PDE1A: variants seen among roughly 807,000 people sequenced by gnomAD.
PDE1A encodes the protein dual specificity calcium/calmodulin-dependent 3',5'-cyclic nucleotide phosphodiesterase 1A.
In PDE1A, 35 loss-of-function variants were observed where a neutral mutation model predicts 61.7. That is an observed-to-expected ratio of 0.57 (90% CI 0.43 to 0.75). PDE1A has a LOEUF of 0.75. Ranked by LOEUF, PDE1A falls within the 30% of genes least tolerant of loss-of-function variation. The probability of loss-of-function intolerance (pLI) is 0.00; values close to 1 mark genes in which losing one functional copy is unlikely to be tolerated. For missense variants in PDE1A, 597 were observed against 630.6 expected (o/e 0.95, Z 0.57); for synonymous variants, 232 against 213.2 (o/e 1.09, Z -0.77).
chr2:182,205,898 T>C (rs757171771), intron 8 of PDE1A, 42 bp downstream of exon 8: 1 of 1,557,572 alleles, frequency 6.4e-7, no homozygotes, highest in South Asian at 1.2e-5. Flanking sequence ...ATTTATTCCT[T>C]TCCTGAAATT....
chr2:182,192,209 G>A (rs1685760282), intron 10 of PDE1A, among the ~76,000 whole-genome samples: 1 of 152,062 alleles, frequency 6.6e-6, no homozygotes, highest in South Asian at 2.1e-4. Flanking sequence ...ATTTCCTATA[G>A]GGCTTAGGCA....
At chr2:182,693,654 T>C in the PDE1A span, among the ~76,000 whole-genome samples, 1 of 150,092 alleles carries the variant, frequency 6.7e-6, no homozygotes, top group Non-Finnish European at 1.5e-5. Flanking sequence ...TTTTTTTTTT[T>C]TCTTTTTGAG....
intron 1 of PDE1A, among the ~76,000 whole-genome samples, chr2:182,404,274 A>C (rs1458278332): frequency 6.6e-6 from 1 of 152,190 alleles, no homozygotes; most frequent in East Asian, 1.9e-4. Context: ...AATGGATGAA[A>C]TTCTTTATAT....
the PDE1A span, among the ~76,000 whole-genome samples, chr2:182,584,615 A>C: frequency 1.3e-5 from 2 of 152,250 alleles, no homozygotes; most frequent in Non-Finnish European, 2.9e-5. Flanking sequence ...ACAGCTGTGC[A>C]ATGCTCACCA....
chr2:182,331,805 T>G (rs1327707829), intron 1 of PDE1A, among the ~76,000 whole-genome samples: 1 of 152,184 alleles, frequency 6.6e-6, no homozygotes, highest in African/African-American at 2.4e-5. Context: ...TCAACCTTGG[T>G]GAATCTGACA....
chr2:182,585,072 A>T, the PDE1A span, among the ~76,000 whole-genome samples: 2 of 152,214 alleles, frequency 1.3e-5, no homozygotes, highest in African/African-American at 4.8e-5. Flanking sequence ...GGAGCACAGT[A>T]ATGTTTTAAC....
intron 2 of PDE1A, among the ~76,000 whole-genome samples, chr2:182,487,264 A>G (rs1688077926): frequency 6.6e-6 from 1 of 152,184 alleles, no homozygotes; most frequent in African/African-American, 2.4e-5. Context: ...AAACTGCCGT[A>G]CCAGGTGCCA....
intron 13 of PDE1A, among the ~76,000 whole-genome samples, chr2:182,148,874 C>T (rs1559115648): frequency 6.6e-6 from 1 of 152,000 alleles, no homozygotes; most frequent in Non-Finnish European, 1.5e-5. Context: ...GCACATTTCC[C>T]AATAGCAGAG....
the PDE1A span, among the ~76,000 whole-genome samples, chr2:182,628,054 GCACACACA>G: frequency 4.6e-5 from 7 of 150,720 alleles, no homozygotes; most frequent in African/African-American, 7.3e-5. Context: ...GTGTATGTGT[GCACACACA>G]CACACACACA....
chr2:182,350,521 T>C (rs1698810392), intron 1 of PDE1A, among the ~76,000 whole-genome samples: 1 of 152,184 alleles, frequency 6.6e-6, no homozygotes. Flanking sequence ...AAAATAAAAA[T>C]GCAAGGCCCC....
chr2:182,415,028 G>A (rs187165884), intron 1 of PDE1A, among the ~76,000 whole-genome samples: 2 of 152,158 alleles, frequency 1.3e-5, no homozygotes, highest in East Asian at 3.9e-4. Context: ...ACCAATTTGG[G>A]ATAGATTATT....
intron 2 of PDE1A, among the ~76,000 whole-genome samples, chr2:182,494,817 A>G (rs1688610539): frequency 6.6e-6 from 1 of 152,146 alleles, no homozygotes; most frequent in African/African-American, 2.4e-5. Flanking sequence ...GAATTAGGAG[A>G]AACAGCACAC....
At chr2:182,264,369 G>A (rs768731524) in exon 2 of PDE1A, 19 of 1,613,466 alleles carry the variant, frequency 1.2e-5, no homozygotes, top group African/African-American at 2.7e-5. Flanking sequence ...TTAAGTCGAC[G>A]ACGTTAACAT....
chr2:182,694,396 G>A, the PDE1A span, among the ~76,000 whole-genome samples: 18 of 152,302 alleles, frequency 1.2e-4, no homozygotes, highest in East Asian at 2.7e-3. Flanking sequence ...GATGGATTCT[G>A]TGCATGCAGT....
the PDE1A span, among the ~76,000 whole-genome samples, chr2:182,671,338 ATTTTTTTTTT>A: frequency 1.6e-4 from 12 of 75,230 alleles, no homozygotes; most frequent in Non-Finnish European, 2.7e-4. Context: ...CGACTGGCTA[ATTTTTTTTTT>A]TTTTTTTTTT....
At chr2:182,696,837 T>C in the PDE1A span, among the ~76,000 whole-genome samples, 1 of 152,306 alleles carries the variant, frequency 6.6e-6, no homozygotes, top group East Asian at 1.9e-4. Flanking sequence ...CATGAAGCAA[T>C]ATAATTTGTT....
intron 13 of PDE1A, among the ~76,000 whole-genome samples, chr2:182,185,207 G>C (rs1175739356): frequency 2.6e-5 from 4 of 152,178 alleles, no homozygotes; most frequent in Non-Finnish European, 5.9e-5. Context: ...ATTGTGCAGG[G>C]AGTGTAGTGT....
chr2:182,426,918 C>A lies in PDE1A; in HGVS notation c.-288G>T. The A allele has an allele frequency of 8.6e-7, 1 of 1,160,132 alleles. No homozygotes were observed. The highest frequency in any genetic ancestry group is 1.1e-6 in the Non-Finnish European group (1 of 940,106). 71.9% of individuals were successfully genotyped at this position (1,160,132 alleles called of 1,614,324 possible). A position where few individuals can be genotyped will look rare whatever the true frequency, so the allele number is the denominator to read the frequency against. On this transcript the variant is annotated 5_prime_UTR_variant, in exon 1 of 14. It adds an upstream start codon to the 5' untranslated region. Transcript: ENST00000351439. ...CCAGGCAAGAGAAGTGCACGGGACC[C>A]TCCGAAACAGAACAAAACAAACAGA...
chr2:182,363,663 G>C (rs1209600394), intron 1 of PDE1A, among the ~76,000 whole-genome samples: 1 of 152,002 alleles, frequency 6.6e-6, no homozygotes, highest in East Asian at 1.9e-4. Context: ...TGGGGACAGA[G>C]TAAAAAGAAA....
Sources: allele counts gnomAD v4.1 joint callset (sites outside exome capture counted in the v4.1 genomes callset), GRCh38; gene constraint gnomAD v4.1.1; transcripts MANE v1.5; gene names NCBI Gene and HGNC (gene_info 2026-07-23, HGNC 2026-07-21).